Variants in ITGB3BP observed in about 807,000 individuals in gnomAD.
ITGB3BP encodes centromere protein R.
Under a neutral mutation model 29.1 loss-of-function variants are expected in ITGB3BP, and 27 were observed. The ratio of observed to expected loss-of-function variants is 0.93; its 90% CI spans 0.68 to 1.28. The LOEUF (loss-of-function observed/expected upper bound fraction) is 1.28, where lower values mean the gene tolerates loss of function less well. Among genes scored for constraint, ITGB3BP ranks in the 50% most tolerant of loss-of-function variants. The pLI is 0.00. For synonymous variants in ITGB3BP, 61 were observed against 61.4 expected, an observed-to-expected ratio of 0.99 and a Z score of 0.03; for missense variants, 192 against 200.2, an observed-to-expected ratio of 0.96 and a Z score of 0.25.
intron 1 of ITGB3BP, among the ~76,000 whole-genome samples, chr1:63,516,714 A>G (rs1188945712): frequency 2.9e-5 from 3 of 104,784 alleles, no homozygotes; most frequent in African/African-American, 1.0e-4. Flanking sequence ...TGTTTCATGA[A>G]AAAAAAAAAA....
intron 4 of ITGB3BP, among the ~76,000 whole-genome samples, chr1:63,467,695 T>A (rs1414070906): frequency 6.6e-6 from 1 of 152,178 alleles, no homozygotes; most frequent in Non-Finnish European, 1.5e-5. Flanking sequence ...ATTAGACATA[T>A]CTATAGGTCA....
chr1:63,447,710 A>G, intron 7 of ITGB3BP: 1 of 453,244 alleles, frequency 2.2e-6, no homozygotes, highest in Non-Finnish European at 4.4e-6. Context: ...GAGAAATAGG[A>G]ACACTTTTAC....
intron 7 of ITGB3BP, among the ~76,000 whole-genome samples, chr1:63,452,292 A>C (rs1046496230): frequency 6.6e-6 from 1 of 152,200 alleles, no homozygotes; most frequent in African/African-American, 2.4e-5. Context: ...GCAAAGGCCA[A>C]CTATATTAAG....
intron 1 of ITGB3BP, 61 bp downstream of exon 1, chr1:63,523,065 CATA>C: frequency 6.3e-7 from 1 of 1,591,418 alleles, no homozygotes; most frequent in Non-Finnish European, 8.6e-7. Context: ...TACTGGGCCA[CATA>C]ATATCTTCTC....
upstream of ITGB3BP, among the ~76,000 whole-genome samples, chr1:63,527,440 T>TATAAC (rs113491101): frequency 0.57 from 82,601 of 143,930 alleles, 22,966 homozygotes; most frequent in East Asian, 0.7. Flanking sequence ...TTCTGCCACT[T>TATAAC]ATGTGCATTT....
At chr1:63,507,896 T>A (rs1367773184) in intron 2 of ITGB3BP, among the ~76,000 whole-genome samples, 1 of 152,176 alleles carries the variant, frequency 6.6e-6, no homozygotes, top group East Asian at 1.9e-4. Context: ...GTCATAAGTA[T>A]CTCAGTATTA....
chr1:63,504,388 C>T lies in ITGB3BP; in HGVS notation c.48+4140G>A, dbSNP rs563756150. The stretch of plus-strand genomic sequence containing the variant: ...TATCCTGAGACTTTGCTGAAGTTGC[C>T]TATCAGCTTAAGGAGATTTTGGGCT... On this transcript the variant is annotated intron_variant, in intron 2 of 8. Transcript: ENST00000271002. Among the ~76,000 whole-genome samples the T allele has an allele frequency of 9.7e-3, 1,466 of 151,852 alleles. 48 individuals carry two copies. Among genetic ancestry groups the T allele is most frequent in the African/African-American group, 0.032 (1,336 of 41,212 alleles).
chr1:63,510,064 C>T (rs1296284383), intron 1 of ITGB3BP: 1 of 599,646 alleles, frequency 1.7e-6, no homozygotes, highest in South Asian at 1.9e-5. Flanking sequence ...GTGGTGCGTG[C>T]CTGTAATCCC....
At chr1:63,494,462 G>T (rs1645740243) in intron 2 of ITGB3BP, among the ~76,000 whole-genome samples, 1 of 152,084 alleles carries the variant, frequency 6.6e-6, no homozygotes, top group African/African-American at 2.4e-5. Context: ...AACCTTAATG[G>T]TTCTAAAAAT....
At chr1:63,509,306 C>G (rs1431411090) in intron 1 of ITGB3BP, among the ~76,000 whole-genome samples, 1 of 152,108 alleles carries the variant, frequency 6.6e-6, no homozygotes, top group Non-Finnish European at 1.5e-5. Flanking sequence ...CAGTCATCAA[C>G]ATTTTATTCA....
intron 3 of ITGB3BP, among the ~76,000 whole-genome samples, chr1:63,485,923 G>A (rs1201372054): frequency 6.6e-6 from 1 of 151,686 alleles, no homozygotes. Flanking sequence ...ACTTTACCCT[G>A]CCCAGACTTA....
intron 1 of ITGB3BP, among the ~76,000 whole-genome samples, chr1:63,517,299 C>T (rs761904223): frequency 1.3e-3 from 198 of 151,974 alleles, no homozygotes; most frequent in Non-Finnish European, 2.2e-3. Flanking sequence ...CTTAAAAATA[C>T]TCTCACCAGC....
chr1:63,454,474 C>A lies in ITGB3BP; in HGVS notation c.334-1G>T. Reference sequence around the variant, plus strand: ...CAAGCTCTCTACTGCCCTCCAAAGCCTACAAGAAAGTCATCTTGAATGAGT... The same window carrying A: ...CAAGCTCTCTACTGCCCTCCAAAGCATACAAGAAAGTCATCTTGAATGAGT... On this transcript the variant is annotated splice_acceptor_variant, in intron 5 of 8. Transcript: ENST00000271002. LOFTEE classifies it high-confidence loss of function. This position sits in a 1 kb window ranked among gnomAD's most constrained non-coding sequence, Gnocchi z 4.1. 1 of 1,555,804 alleles carries A rather than the reference C, an allele frequency of 6.4e-7. No individual in the cohort carries two copies. The highest frequency in any genetic ancestry group is 8.8e-7 in the Non-Finnish European group (1 of 1,135,064).
intron 2 of ITGB3BP, among the ~76,000 whole-genome samples, chr1:63,506,978 G>A (rs1034455274): frequency 6.6e-6 from 1 of 152,182 alleles, no homozygotes; most frequent in African/African-American, 2.4e-5. Context: ...TTGCTTCAGG[G>A]CTAAGTTGTT....
At chr1:63,501,887 A>G (rs1645939419) in intron 2 of ITGB3BP, among the ~76,000 whole-genome samples, 1 of 151,782 alleles carries the variant, frequency 6.6e-6, no homozygotes, top group African/African-American at 2.4e-5. Flanking sequence ...GTGTCTTACT[A>G]ATAAGTTATG....
chr1:63,495,218 T>C (rs927528946), intron 2 of ITGB3BP, among the ~76,000 whole-genome samples: 5 of 152,176 alleles, frequency 3.3e-5, no homozygotes, highest in Admixed American at 2.6e-4. Context: ...GAAGTGAATT[T>C]TTTTCTAGAT....
intron 4 of ITGB3BP, among the ~76,000 whole-genome samples, chr1:63,469,052 A>C (rs1047528510): frequency 1.3e-5 from 2 of 151,532 alleles, no homozygotes; most frequent in African/African-American, 4.8e-5. Flanking sequence ...TGTTTCAAAA[A>C]AAAAAAAAAG....
chr1:63,525,330 A>G (rs1483079854), upstream of ITGB3BP, among the ~76,000 whole-genome samples: 2 of 152,144 alleles, frequency 1.3e-5, no homozygotes, highest in Non-Finnish European at 2.9e-5. Flanking sequence ...TATATCTAAA[A>G]TTAGAAATTA....
chr1:63,446,132 C>T (rs1386156026), intron 8 of ITGB3BP, among the ~76,000 whole-genome samples: 1 of 152,090 alleles, frequency 6.6e-6, no homozygotes, highest in Non-Finnish European at 1.5e-5. Context: ...CTCCTGACCT[C>T]GAGTGGTCCA....
Sources: allele counts gnomAD v4.1 joint callset (sites outside exome capture counted in the v4.1 genomes callset), GRCh38; gene constraint gnomAD v4.1.1; non-coding constraint Gnocchi (gnomAD v3.1); transcripts MANE v1.5; gene names NCBI Gene and HGNC (gene_info 2026-07-23, HGNC 2026-07-21).